Variants in XKR9 observed in about 807,000 individuals in gnomAD.
The protein encoded by XKR9 is XK-related protein 9.
Under a neutral mutation model 32.0 loss-of-function variants are expected in XKR9, and 32 were observed. That is an observed-to-expected ratio of 1.00 (90% CI 0.76 to 1.34). The LOEUF is 1.34. Ranked by LOEUF, XKR9 falls within the 40% of genes most tolerant of loss-of-function variation. The pLI, the probability that XKR9 is intolerant of heterozygous loss-of-function variation, is 0.00. For synonymous variants in XKR9, 168 were observed against 143.4 expected (o/e 1.17, Z -1.22); for missense variants, 546 against 429.7 (o/e 1.27, Z -2.39).
chr8:70,990,778 A>G, the XKR9 span, among the ~76,000 whole-genome samples: 1 of 152,154 alleles, frequency 6.6e-6, no homozygotes, highest in East Asian at 1.9e-4. Flanking sequence ...AAAGAGAGAG[A>G]GAGAGAGAAC....
intron 2 of XKR9, among the ~76,000 whole-genome samples, chr8:70,675,251 C>T (rs1277519905): frequency 6.6e-6 from 1 of 152,134 alleles, no homozygotes; most frequent in Non-Finnish European, 1.5e-5. Flanking sequence ...TATGGCGAAA[C>T]CCCGTCTCTA....
chr8:70,695,503 G>T (rs1805235690), intron 3 of XKR9, among the ~76,000 whole-genome samples: 1 of 151,902 alleles, frequency 6.6e-6, no homozygotes, highest in Non-Finnish European at 1.5e-5. Context: ...CAAAGGACAT[G>T]AACTCATCAT....
chr8:70,715,423 G>C (rs893849706), intron 4 of XKR9, among the ~76,000 whole-genome samples: 3 of 152,244 alleles, frequency 2.0e-5, no homozygotes, highest in Non-Finnish European at 4.4e-5. Flanking sequence ...TGAACAGATA[G>C]GGCTTTGCTA....
At chr8:70,769,129 G>A (rs980826356) in intron 2 of XKR9, among the ~76,000 whole-genome samples, 6 of 151,810 alleles carry the variant, frequency 4.0e-5, no homozygotes, top group African/African-American at 1.2e-4. Flanking sequence ...GCCTGGTAGT[G>A]ACAAAATCCC....
At chr8:70,751,008 T>C (rs1807132096) in intron 2 of XKR9, among the ~76,000 whole-genome samples, 1 of 152,196 alleles carries the variant, frequency 6.6e-6, no homozygotes, top group Non-Finnish European at 1.5e-5. Context: ...GCAGATGACT[T>C]ATCTACCTCA....
At chr8:70,746,135 A>G (rs924572205) in intron 2 of XKR9, among the ~76,000 whole-genome samples, 1 of 151,604 alleles carries the variant, frequency 6.6e-6, no homozygotes, top group Non-Finnish European at 1.5e-5. Flanking sequence ...GTACTTTTTT[A>G]AAATGTTAAA....
chr8:70,751,874 A>G (rs190679598), intron 2 of XKR9, among the ~76,000 whole-genome samples: 2 of 152,262 alleles, frequency 1.3e-5, no homozygotes, highest in Admixed American at 6.5e-5. Flanking sequence ...TTGGTTTTCC[A>G]GTTTGCAGAC....
chr8:70,784,582 T>C (rs1000418131), intron 2 of XKR9, among the ~76,000 whole-genome samples: 14 of 140,672 alleles, frequency 1.0e-4, no homozygotes, highest in Admixed American at 9.7e-4. Flanking sequence ...TTCTGGCAGA[T>C]TTTTTTTTTT....
chr8:70,759,019 A>G (rs1807268607), intron 2 of XKR9, among the ~76,000 whole-genome samples: 1 of 152,130 alleles, frequency 6.6e-6, no homozygotes, highest in African/African-American at 2.4e-5. Flanking sequence ...TTCCCACTCT[A>G]AGCTATATTA....
intron 2 of XKR9, among the ~76,000 whole-genome samples, chr8:70,677,338 G>A (rs1240620666): frequency 6.6e-6 from 1 of 151,822 alleles, no homozygotes; most frequent in Non-Finnish European, 1.5e-5. Flanking sequence ...TGTAGAGGTG[G>A]GGTTTCACCA....
At chr8:70,926,178 G>A in the XKR9 span, among the ~76,000 whole-genome samples, 1 of 152,128 alleles carries the variant, frequency 6.6e-6, no homozygotes, top group African/African-American at 2.4e-5. Context: ...AGGTTCAAGC[G>A]ATTCTCCTGC....
At chr8:71,028,694 CATAT>C in the XKR9 span, among the ~76,000 whole-genome samples, 1 of 152,060 alleles carries the variant, frequency 6.6e-6, no homozygotes, top group Non-Finnish European at 1.5e-5. Flanking sequence ...ATATTGTATA[CATAT>C]AACAAAACAT....
the XKR9 span, among the ~76,000 whole-genome samples, chr8:70,821,496 C>T: frequency 6.6e-6 from 1 of 152,222 alleles, no homozygotes; most frequent in Non-Finnish European, 1.5e-5. Context: ...TGTGAGGGCT[C>T]TGACCCCACA....
At chr8:70,794,826 T>TGTGTGC (rs1400705951), downstream of XKR9, among the ~76,000 whole-genome samples, 1 of 147,186 alleles carries the variant, frequency 6.8e-6, no homozygotes, top group African/African-American at 2.6e-5. Flanking sequence ...TCTTCTTTTG[T>TGTGTGC]GTGTGTGTGT....
chr8:70,881,059 G>T, the XKR9 span, among the ~76,000 whole-genome samples: 4 of 152,286 alleles, frequency 2.6e-5, no homozygotes, highest in Admixed American at 2.6e-4. Flanking sequence ...GGGAAAACTG[G>T]CTAGCCATAT....
intron 2 of XKR9, among the ~76,000 whole-genome samples, chr8:70,780,258 A>G (rs1262669169): frequency 1.3e-5 from 2 of 149,792 alleles, no homozygotes; most frequent in Non-Finnish European, 3.0e-5. Flanking sequence ...TTAAATTTTT[A>G]TTATTTCTTA....
At position 70,707,080 on chromosome 8, in the gene XKR9, C is replaced by T; in HGVS notation, c.420C>T (p.Tyr140=). ...GCATGCTCAGACTATTTGAGACCTACCTGGAAGGCTGCCCACAACTTATTC... is the reference window on the plus strand; with the variant it reads ...GCATGCTCAGACTATTTGAGACCTATCTGGAAGGCTGCCCACAACTTATTC... The part of the protein sequence containing the change: ...DLSMLRLFET[Y]LEGCPQLILQ... The change falls in exon 4 of 5, where the codon TAC becomes TAT. Residue 140 remains tyrosine (Y), a synonymous_variant. Transcript: ENST00000408926. 1.2e-6 allele frequency: 2 copies of T among 1,613,378 alleles called. No homozygotes were observed. Among genetic ancestry groups the T allele is most frequent in the Non-Finnish European group, 1.7e-6 (2 of 1,179,496 alleles).
At chr8:71,006,976 A>T in the XKR9 span, among the ~76,000 whole-genome samples, 1 of 152,172 alleles carries the variant, frequency 6.6e-6, no homozygotes, top group African/African-American at 2.4e-5. Flanking sequence ...AGCCTGGAAT[A>T]ATGGCTCTAT....
chr8:70,812,207 T>C, the XKR9 span, among the ~76,000 whole-genome samples: 2 of 152,142 alleles, frequency 1.3e-5, no homozygotes, highest in Non-Finnish European at 2.9e-5. Context: ...ATTATCTCAA[T>C]AGATGCAGAA....
Sources: allele counts gnomAD v4.1 joint callset (sites outside exome capture counted in the v4.1 genomes callset), GRCh38; gene constraint gnomAD v4.1.1; transcripts MANE v1.5; gene names NCBI Gene and HGNC (gene_info 2026-07-23, HGNC 2026-07-21).